The following ADAM12 variants were observed in gnomAD, a reference collection of about 807,000 sequenced individuals.
ADAM12 encodes disintegrin and metalloproteinase domain-containing protein 12.
Under a neutral mutation model 106.4 loss-of-function variants are expected in ADAM12, and 70 were observed. The ratio of observed to expected loss-of-function variants is 0.66; its 90% CI spans 0.54 to 0.80. The LOEUF (loss-of-function observed/expected upper bound fraction) is 0.80. ADAM12 is among the 30% of genes least tolerant of loss of function. The pLI, the probability that ADAM12 is intolerant of heterozygous loss-of-function variation, is 0.00. For missense variants in ADAM12, 1,010 were observed against 1,171.9 expected, an observed-to-expected ratio of 0.86 and a Z score of 2.02; for synonymous variants, 420 against 433.5, an observed-to-expected ratio of 0.97 and a Z score of 0.39.
chr10:126,388,270 C>T lies in ADAM12; in HGVS notation c.-125G>A, dbSNP rs569348189. ...ATTTCCTGCCTCGGCGAGTCAGCTCCGGAGCCCTCGCGCAGCGCCCGCGCC... is the reference window on the plus strand; with the variant it reads ...ATTTCCTGCCTCGGCGAGTCAGCTCTGGAGCCCTCGCGCAGCGCCCGCGCC... On this transcript the variant is annotated 5_prime_UTR_variant, in exon 1 of 23. Transcript: ENST00000448723. This position sits in a 1 kb window ranked among gnomAD's most constrained non-coding sequence, Gnocchi z 4.4. The T allele has an allele frequency of 2.5e-4, 290 of 1,163,912 alleles. 1 individual carries two copies. The African/African-American group carries it at 4.0e-3, about 16-fold the overall frequency. The allele number at this position is 1,163,912 out of a possible 1,614,324, so 72.1% of individuals were successfully genotyped here.
At chr10:126,204,933 T>C (rs1347220668) in intron 3 of ADAM12, among the ~76,000 whole-genome samples, 1 of 152,220 alleles carries the variant, frequency 6.6e-6, no homozygotes, top group African/African-American at 2.4e-5. Flanking sequence ...AGAATGGGCA[T>C]GAGAACCACG....
intron 3 of ADAM12, among the ~76,000 whole-genome samples, chr10:126,277,416 C>A (rs139085064): frequency 4.5e-4 from 68 of 152,144 alleles, no homozygotes; most frequent in African/African-American, 1.6e-3. Context: ...ATAAAGAACA[C>A]TCCTAAATCC....
At chr10:126,339,480 G>C (rs1286765400) in intron 1 of ADAM12, among the ~76,000 whole-genome samples, 2 of 152,122 alleles carry the variant, frequency 1.3e-5, no homozygotes, top group Non-Finnish European at 2.9e-5. Flanking sequence ...TTGGTGTTTT[G>C]CGCTTTGCTT....
intron 1 of ADAM12, among the ~76,000 whole-genome samples, chr10:126,334,959 C>T (rs776425805): frequency 3.9e-5 from 6 of 152,180 alleles, no homozygotes; most frequent in Non-Finnish European, 8.8e-5. Flanking sequence ...CTACCGTCTA[C>T]AAAATGAAAA....
chr10:126,160,169 A>G (rs1674922), intron 3 of ADAM12, among the ~76,000 whole-genome samples: 85,974 of 151,958 alleles, frequency 0.57, 25,034 homozygotes, highest in East Asian at 0.75. Context: ...AGCCAGCAAA[A>G]ATTCATGCTC....
chr10:126,214,050 A>C (rs938130878), intron 3 of ADAM12, among the ~76,000 whole-genome samples: 2 of 152,234 alleles, frequency 1.3e-5, no homozygotes, highest in Admixed American at 1.3e-4. Flanking sequence ...ATATGGCTAA[A>C]ATCAGGACAC....
intron 2 of ADAM12, among the ~76,000 whole-genome samples, chr10:126,303,886 C>A (rs1175683438): frequency 6.6e-6 from 1 of 152,168 alleles, no homozygotes; most frequent in African/African-American, 2.4e-5. Flanking sequence ...TTTTTAAATT[C>A]TCCCACTGTG....
At chr10:126,369,663 G>C (rs1023407961) in intron 1 of ADAM12, among the ~76,000 whole-genome samples, 75 of 152,184 alleles carry the variant, frequency 4.9e-4, no homozygotes, top group African/African-American at 1.6e-3. Context: ...GCTGCTGCCA[G>C]CTCCAGGACT....
intron 19 of ADAM12, 144 bp downstream of exon 19, chr10:126,039,150 G>A (rs181161725): frequency 5.2e-4 from 470 of 898,560 alleles, no homozygotes; most frequent in Middle Eastern, 1.3e-3. Context: ...TAGTAGAGAC[G>A]GGGTTTCACC....
intron 2 of ADAM12, among the ~76,000 whole-genome samples, chr10:126,320,323 C>T (rs1854050644): frequency 6.6e-6 from 1 of 152,174 alleles, no homozygotes; most frequent in South Asian, 2.1e-4. Flanking sequence ...GAAATTCTTC[C>T]CACAGCGGCT....
At chr10:126,121,190 CTA>C (rs1266107657) in intron 5 of ADAM12, among the ~76,000 whole-genome samples, 58 of 60,180 alleles carry the variant, frequency 9.6e-4, no homozygotes, top group South Asian at 2.7e-3. Flanking sequence ...ACACTATATA[CTA>C]TATATATACT....
chr10:126,173,017 C>T (rs1957147295), intron 3 of ADAM12, among the ~76,000 whole-genome samples: 3 of 152,102 alleles, frequency 2.0e-5, no homozygotes, highest in African/African-American at 7.2e-5. Flanking sequence ...ACAGAAAACC[C>T]ACACCACATG....
At chr10:126,105,112 G>A (rs1955739973) in intron 8 of ADAM12, among the ~76,000 whole-genome samples, 1 of 152,096 alleles carries the variant, frequency 6.6e-6, no homozygotes, top group Non-Finnish European at 1.5e-5. Flanking sequence ...CTCTCTCCCT[G>A]CCAGAAACAC....
At chr10:126,349,457 A>G (rs1016004506) in intron 1 of ADAM12, among the ~76,000 whole-genome samples, 3 of 152,224 alleles carry the variant, frequency 2.0e-5, no homozygotes, top group African/African-American at 7.2e-5. Context: ...GCTCAACAAC[A>G]AATGATGTAT....
intron 5 of ADAM12, among the ~76,000 whole-genome samples, chr10:126,121,130 A>G (rs1481376931): frequency 2.6e-5 from 2 of 75,608 alleles, no homozygotes; most frequent in African/African-American, 1.2e-4. Flanking sequence ...TAGTATATAT[A>G]CTATATACTA....
At chr10:126,256,544 G>A (rs1958896483) in intron 3 of ADAM12, among the ~76,000 whole-genome samples, 1 of 144,576 alleles carries the variant, frequency 6.9e-6, no homozygotes, top group South Asian at 2.2e-4. Flanking sequence ...TGGGAGGTGG[G>A]GATTCAGCCC....
At chr10:126,338,302 G>A (rs1183674741) in intron 1 of ADAM12, among the ~76,000 whole-genome samples, 1 of 137,160 alleles carries the variant, frequency 7.3e-6, no homozygotes. Flanking sequence ...GCCCAGGCTG[G>A]AGTGCAGTGG....
chr10:126,101,427 GT>G (rs1284796980), intron 8 of ADAM12, among the ~76,000 whole-genome samples, 186 bp from the exon 9 acceptor site: 4 of 152,350 alleles, frequency 2.6e-5, no homozygotes, highest in Middle Eastern at 3.4e-3. Flanking sequence ...GCAAAGTGAT[GT>G]GTTAACTAGG....
intron 3 of ADAM12, among the ~76,000 whole-genome samples, chr10:126,199,514 C>G (rs990093751): frequency 6.6e-6 from 1 of 152,174 alleles, no homozygotes; most frequent in South Asian, 2.1e-4. Flanking sequence ...CGCAGAAACG[C>G]TCCCATAAAC....
Sources: gnomAD v4.1 joint callset for allele counts (sites outside exome capture counted in the v4.1 genomes callset) on GRCh38, gnomAD v4.1.1 for gene constraint, Gnocchi (gnomAD v3.1) non-coding constraint, MANE v1.5 for transcripts, NCBI Gene and HGNC (gene_info 2026-07-23, HGNC 2026-07-21) for gene names.